L3MBTL4: variants seen among roughly 807,000 people sequenced by gnomAD.
L3MBTL4 encodes the protein L3MBTL histone methyl-lysine binding protein 4.
A neutral mutation model predicts 84.5 loss-of-function variants in L3MBTL4; 70 were observed. The observed-to-expected ratio is 0.83, with a 90% CI of 0.68 to 1.01. The LOEUF (loss-of-function observed/expected upper bound fraction) is 1.01, where lower values mean the gene tolerates loss of function less well. Among genes scored for constraint, L3MBTL4 ranks in the 50% least tolerant of loss-of-function variants. The pLI, the probability that L3MBTL4 is intolerant of heterozygous loss-of-function variation, is 0.00. For missense variants in L3MBTL4, 715 were observed against 754.8 expected (o/e 0.95, Z 0.62); for synonymous variants, 274 against 259.8 (o/e 1.05, Z -0.52).
intron 12 of L3MBTL4, among the ~76,000 whole-genome samples, chr18:6,204,647 G>C (rs1286400689): frequency 6.6e-6 from 1 of 152,202 alleles, no homozygotes; most frequent in East Asian, 1.9e-4. Flanking sequence ...AATAAAACAA[G>C]GCATGTTATA....
intron 4 of L3MBTL4, among the ~76,000 whole-genome samples, chr18:6,271,282 C>A (rs78954095): frequency 0.025 from 3,795 of 152,118 alleles, 157 homozygotes; most frequent in African/African-American, 0.087. Context: ...GGTGATGGCG[C>A]GTTAACTAGT....
chr18:6,377,722 T>A (rs556329554), intron 1 of L3MBTL4, among the ~76,000 whole-genome samples: 1 of 152,244 alleles, frequency 6.6e-6, no homozygotes, highest in Admixed American at 6.5e-5. Flanking sequence ...CAGCCTATCA[T>A]TGATGGAAAT....
chr18:6,350,069 G>A lies in L3MBTL4; in HGVS notation c.-90-38013C>T, dbSNP rs138311740. Among the ~76,000 whole-genome samples, 1,068 of 152,270 alleles carry A rather than the reference G, an allele frequency of 7.0e-3. 14 individuals are homozygous for A. The highest frequency in any genetic ancestry group is 0.025 in the African/African-American group (1,031 of 41,540). ...GGATATTCACATGCAAAATAATGGAGCTGGTCCTTTACCTTACACCATATA... is the reference window on the plus strand; with the variant it reads ...GGATATTCACATGCAAAATAATGGAACTGGTCCTTTACCTTACACCATATA... On this transcript the variant is annotated intron_variant, in intron 1 of 18. Coordinates refer to ENST00000317931, the MANE Select transcript of L3MBTL4 (RefSeq NM_001330559.2).
Position 6,324,898 on chromosome 18 carries a change from A to T in L3MBTL4, c.-90-12842T>A, listed in dbSNP as rs111728140. The stretch of plus-strand genomic sequence containing the variant: ...GAATATGCACTTCACACCAAAATTT[A>T]TGAAAAGTTGCTTAACTTCATTAGT... On this transcript the variant is annotated intron_variant, in intron 1 of 18. Transcript: ENST00000317931. Among the ~76,000 whole-genome samples, 1,334 of 152,336 alleles carry T rather than the reference A, an allele frequency of 8.8e-3. 26 individuals carry two copies. The highest frequency in any genetic ancestry group is 0.03 in the African/African-American group (1,258 of 41,584).
chr18:6,016,674 AT>A (rs1189843483), intron 16 of L3MBTL4, among the ~76,000 whole-genome samples: 1 of 152,202 alleles, frequency 6.6e-6, no homozygotes, highest in Admixed American at 6.5e-5. Context: ...ACCACTCTGC[AT>A]GCTTGGCAAA....
intron 1 of L3MBTL4, among the ~76,000 whole-genome samples, chr18:6,384,925 A>G (rs2054752670): frequency 2.0e-5 from 3 of 152,222 alleles, no homozygotes; most frequent in Admixed American, 6.5e-5. Flanking sequence ...ACCTAGAGAC[A>G]GGGAGCAGGT....
intron 4 of L3MBTL4, 117 bp from the exon 5 acceptor site, chr18:6,264,155 C>T (rs2048528406): frequency 4.2e-6 from 3 of 707,330 alleles, no homozygotes; most frequent in Non-Finnish European, 2.4e-6. Context: ...AGTTGAAAGA[C>T]CCAGCAACTA....
At chr18:6,101,585 C>G (rs2058830495) in intron 14 of L3MBTL4, among the ~76,000 whole-genome samples, 1 of 152,178 alleles carries the variant, frequency 6.6e-6, no homozygotes, top group South Asian at 2.1e-4. Context: ...GACTGAGTTT[C>G]AATCCTGCTT....
At chr18:6,272,366 G>A (rs1425887589) in intron 4 of L3MBTL4, among the ~76,000 whole-genome samples, 1 of 152,182 alleles carries the variant, frequency 6.6e-6, no homozygotes, top group African/African-American at 2.4e-5. Flanking sequence ...AAGAGTAAAG[G>A]TCACAGCGAC....
intron 1 of L3MBTL4, among the ~76,000 whole-genome samples, chr18:6,327,282 G>A (rs557972058): frequency 6.6e-6 from 1 of 152,286 alleles, no homozygotes; most frequent in South Asian, 2.1e-4. Flanking sequence ...TAGATAGATA[G>A]AAAACCTCTA....
At chr18:6,090,931 G>T (rs1246503100) in intron 15 of L3MBTL4, among the ~76,000 whole-genome samples, 1 of 152,020 alleles carries the variant, frequency 6.6e-6, no homozygotes, top group African/African-American at 2.4e-5. Flanking sequence ...ATGGTGGATG[G>T]CTTGACTGGA....
At chr18:6,338,267 G>A (rs2052440792) in intron 1 of L3MBTL4, among the ~76,000 whole-genome samples, 2 of 151,838 alleles carry the variant, frequency 1.3e-5, no homozygotes, top group South Asian at 4.2e-4. Context: ...AGAGGAGAGA[G>A]TTCTTCAGGT....
intron 13 of L3MBTL4, among the ~76,000 whole-genome samples, chr18:6,139,301 C>T (rs991677674): frequency 3.3e-5 from 5 of 152,044 alleles, no homozygotes; most frequent in Non-Finnish European, 7.4e-5. Flanking sequence ...CTATGCTACA[C>T]CATACTATAT....
At chr18:6,317,670 A>T (rs1344130659) in intron 1 of L3MBTL4, among the ~76,000 whole-genome samples, 1 of 152,234 alleles carries the variant, frequency 6.6e-6, no homozygotes, top group Non-Finnish European at 1.5e-5. Context: ...AAATGTTTAG[A>T]AAAATTACTT....
At chr18:6,312,225 G>C (rs140169089) in intron 1 of L3MBTL4, among the ~76,000 whole-genome samples, 169 bp from the exon 2 acceptor site, 1 of 152,134 alleles carries the variant, frequency 6.6e-6, no homozygotes, top group African/African-American at 2.4e-5. Context: ...AACGAGTTCC[G>C]CTGGAGCTAT....
chr18:6,164,827 C>G (rs1468911184), intron 13 of L3MBTL4, among the ~76,000 whole-genome samples: 1 of 152,152 alleles, frequency 6.6e-6, no homozygotes, highest in African/African-American at 2.4e-5. Context: ...CAAAGCTGGA[C>G]AGAGAATGAC....
At chr18:6,034,226 C>T (rs1305234014) in intron 16 of L3MBTL4, among the ~76,000 whole-genome samples, 6 of 152,010 alleles carry the variant, frequency 3.9e-5, no homozygotes, top group Non-Finnish European at 8.8e-5. Flanking sequence ...ATACATGTGC[C>T]ATGCTGGTGC....
chr18:6,327,658 A>G (rs1362942158), intron 1 of L3MBTL4, among the ~76,000 whole-genome samples: 1 of 152,196 alleles, frequency 6.6e-6, no homozygotes, highest in Non-Finnish European at 1.5e-5. Context: ...GTTTGGGGAC[A>G]GGAGACTTCA....
intron 6 of L3MBTL4, among the ~76,000 whole-genome samples, chr18:6,243,658 C>T (rs9947750): frequency 0.051 from 7,716 of 152,210 alleles, 646 homozygotes; most frequent in African/African-American, 0.17. Flanking sequence ...AATAGTGACC[C>T]TTTTACCCAA....
Sources: gnomAD v4.1 joint callset for allele counts (sites outside exome capture counted in the v4.1 genomes callset) on GRCh38, gnomAD v4.1.1 for gene constraint, MANE v1.5 for transcripts, NCBI Gene and HGNC (gene_info 2026-07-23, HGNC 2026-07-21) for gene names.